The following ACSM1 variants were observed in gnomAD, a reference collection of about 807,000 sequenced individuals.
ACSM1 encodes acyl-coenzyme A synthetase ACSM1, mitochondrial.
ACSM1 carries 79 observed loss-of-function variants against 75.8 expected under a neutral mutation model. That is an observed-to-expected ratio of 1.04 (90% CI 0.87 to 1.26). ACSM1 has a LOEUF of 1.26. ACSM1 is among the 50% of genes most tolerant of loss of function. The probability of loss-of-function intolerance (pLI) is 0.00; values close to 1 mark genes in which losing one functional copy is unlikely to be tolerated. For synonymous variants in ACSM1, 279 were observed against 265.8 expected, an observed-to-expected ratio of 1.05 and a Z score of -0.48; for missense variants, 676 against 720.1, an observed-to-expected ratio of 0.94 and a Z score of 0.70.
chr16:20,680,528 T>G (rs1596941370), intron 4 of ACSM1: 1 of 152,224 alleles, frequency 6.6e-6, no homozygotes, highest in Non-Finnish European at 1.5e-5. Flanking sequence ...CAAGATAACT[T>G]CACTTCGCTT....
chr16:20,630,369 G>A (rs1294904856), intron 10 of ACSM1, among the ~76,000 whole-genome samples: 1 of 152,132 alleles, frequency 6.6e-6, no homozygotes, highest in Non-Finnish European at 1.5e-5. Flanking sequence ...TTACAGGCGT[G>A]AGCCACGATG....
chr16:20,658,639 T>G (rs1405233268), intron 7 of ACSM1, among the ~76,000 whole-genome samples: 1 of 152,176 alleles, frequency 6.6e-6, no homozygotes, highest in Non-Finnish European at 1.5e-5. Context: ...TGACAAAACC[T>G]TTTCTCTCCC....
chr16:20,637,678 A>G (rs1478757731), intron 8 of ACSM1, among the ~76,000 whole-genome samples: 1 of 152,208 alleles, frequency 6.6e-6, no homozygotes, highest in Non-Finnish European at 1.5e-5. Flanking sequence ...CTGGCTCTGT[A>G]CTAAGTGGAG....
chr16:20,658,462 T>G (rs1298314724), intron 7 of ACSM1, among the ~76,000 whole-genome samples: 1 of 151,922 alleles, frequency 6.6e-6, no homozygotes, highest in African/African-American at 2.4e-5. Context: ...GTTGTTCTTT[T>G]TTTTTTGACT....
chr16:20,685,445 GA>G, intron 2 of ACSM1, 42 bp from the exon 3 acceptor site: 1 of 1,584,330 alleles, frequency 6.3e-7, no homozygotes, highest in Non-Finnish European at 8.7e-7. Context: ...CTGCTTCAAA[GA>G]AAAAGGGCAC....
chr16:20,652,911 A>G (rs374827077), intron 7 of ACSM1, among the ~76,000 whole-genome samples: 1 of 152,158 alleles, frequency 6.6e-6, no homozygotes, highest in African/African-American at 2.4e-5. Context: ...TATGAGGCCA[A>G]CATCATCCTG....
At chr16:20,678,217 T>C (rs2079352829) in intron 4 of ACSM1, among the ~76,000 whole-genome samples, 1 of 151,852 alleles carries the variant, frequency 6.6e-6, no homozygotes, top group African/African-American at 2.4e-5. Context: ...AATTTTCCAG[T>C]GGGAGGCTAG....
chr16:20,643,209 C>A (rs1338504816), intron 7 of ACSM1, among the ~76,000 whole-genome samples: 1 of 152,160 alleles, frequency 6.6e-6, no homozygotes, highest in Admixed American at 6.5e-5. Context: ...AGCCTGACAC[C>A]CATGTCTTTA....
At chr16:20,646,333 C>T (rs1443739852) in intron 7 of ACSM1, among the ~76,000 whole-genome samples, 1 of 152,222 alleles carries the variant, frequency 6.6e-6, no homozygotes, top group Non-Finnish European at 1.5e-5. Context: ...AGGCCCACTG[C>T]CCGAGGGGAC....
chr16:20,646,273 A>G (rs2018354579), intron 7 of ACSM1, among the ~76,000 whole-genome samples: 1 of 152,200 alleles, frequency 6.6e-6, no homozygotes, highest in African/African-American at 2.4e-5. Context: ...GTCTGAATAG[A>G]AATAAGCCAC....
chr16:20,656,973 A>G (rs926957340), intron 7 of ACSM1, among the ~76,000 whole-genome samples: 3 of 152,166 alleles, frequency 2.0e-5, no homozygotes, highest in East Asian at 1.9e-4. Flanking sequence ...TCACTTTTGC[A>G]TACATCCCAA....
chr16:20,668,800 T>C (rs1044950726), intron 6 of ACSM1, among the ~76,000 whole-genome samples: 9 of 152,058 alleles, frequency 5.9e-5, no homozygotes, highest in African/African-American at 2.2e-4. Flanking sequence ...TGAAGTTTGG[T>C]ATTAAGGTGG....
At chr16:20,645,372 T>G (rs907406215) in intron 7 of ACSM1, among the ~76,000 whole-genome samples, 1 of 152,140 alleles carries the variant, frequency 6.6e-6, no homozygotes, top group Non-Finnish European at 1.5e-5. Flanking sequence ...ATGGGAAACG[T>G]TCCCCCCAAG....
intron 6 of ACSM1, among the ~76,000 whole-genome samples, chr16:20,664,147 G>GTATCTATTTATTTATTTATT (rs143982261): frequency 6.9e-6 from 1 of 145,520 alleles, no homozygotes; most frequent in African/African-American, 2.5e-5. Context: ...AAATTGAATA[G>GTATCTATTTATTTATTTATT]TATTTATTTA....
At chr16:20,696,543 T>A (rs2079690850) in intron 1 of ACSM1, among the ~76,000 whole-genome samples, 1 of 152,262 alleles carries the variant, frequency 6.6e-6, no homozygotes, top group South Asian at 2.1e-4. Flanking sequence ...TTACTATAGA[T>A]GTACCATGTA....
intron 10 of ACSM1, among the ~76,000 whole-genome samples, chr16:20,636,204 T>C (rs1053148729): frequency 1.3e-5 from 2 of 152,208 alleles, no homozygotes; most frequent in African/African-American, 4.8e-5. Context: ...GCCATTCCTA[T>C]CCTGGGAGGG....
At chr16:20,647,304 A>G (rs1377540293) in intron 7 of ACSM1, among the ~76,000 whole-genome samples, 1 of 152,234 alleles carries the variant, frequency 6.6e-6, no homozygotes, top group Non-Finnish European at 1.5e-5. Context: ...GCCATGAGCC[A>G]GCTGAACCTG....
intron 4 of ACSM1, chr16:20,680,012 A>G (rs1483363560): frequency 1.3e-5 from 2 of 152,212 alleles, no homozygotes; most frequent in African/African-American, 4.8e-5. Context: ...AGAGAGGCTT[A>G]GCAGGAGCAG....
At chr16:20,672,471 A>AAAAAAAAAAATAT (rs1555473775) in intron 4 of ACSM1, among the ~76,000 whole-genome samples, 9 of 64,572 alleles carry the variant, frequency 1.4e-4, no homozygotes, top group African/African-American at 3.7e-4. Context: ...AAAAAAAAAA[A>AAAAAAAAAAATAT]ATATATATAT....
Sources: gnomAD v4.1 joint callset for allele counts (sites outside exome capture counted in the v4.1 genomes callset) on GRCh38, gnomAD v4.1.1 for gene constraint, MANE v1.5 for transcripts, NCBI Gene and HGNC (gene_info 2026-07-23, HGNC 2026-07-21) for gene names.